The following SMC5 variants were observed in gnomAD, a reference collection of about 807,000 sequenced individuals.
The protein encoded by SMC5 is structural maintenance of chromosomes 5, also known as structural maintenance of chromosomes protein 5.
Under a neutral mutation model 148.3 loss-of-function variants are expected in SMC5, and 88 were observed. The ratio of observed to expected loss-of-function variants is 0.59; its 90% CI spans 0.50 to 0.71. The LOEUF is 0.71. SMC5 is among the 30% of genes least tolerant of loss of function. The pLI, the probability that SMC5 is intolerant of heterozygous loss-of-function variation, is 0.00. For synonymous variants in SMC5, 421 were observed against 432.8 expected, an observed-to-expected ratio of 0.97 and a Z score of 0.34; for missense variants, 1,142 against 1,298.9, an observed-to-expected ratio of 0.88 and a Z score of 1.86.
chr9:70,346,431 T>A (rs2036668659), intron 18 of SMC5, 174 bp from the exon 19 acceptor site: 1 of 676,502 alleles, frequency 1.5e-6, no homozygotes, highest in Non-Finnish European at 2.6e-6. Context: ...AAGTATATGT[T>A]CTAATTTGTC....
intron 19 of SMC5, 74 bp from the exon 20 acceptor site, chr9:70,346,992 G>C: frequency 2.8e-6 from 3 of 1,085,382 alleles, no homozygotes; most frequent in Non-Finnish European, 4.1e-6. Context: ...TTATTCAGCA[G>C]ATTATTTTTC....
Position 70,347,721 on chromosome 9 carries a change from AT to A in SMC5, c.2769+10del. 1 of 1,515,006 alleles carries A rather than the reference AT, an allele frequency of 6.6e-7. No homozygotes were observed. The highest frequency in any genetic ancestry group is 2.3e-5 in the Admixed American group (1 of 43,834). 93.8% of individuals were successfully genotyped at this position (1,515,006 alleles called of 1,614,324 possible). ...ATACAGGGAAAACATTTCACAGGTAATTTTTTAGTTTTTAATCTTTTTATCA... is the reference window on the plus strand; with the variant it reads ...ATACAGGGAAAACATTTCACAGGTAATTTTTAGTTTTTAATCTTTTTATCA... On this transcript the variant is annotated splice_donor_5th_base_variant and intron_variant, in intron 21 of 24. Transcript: ENST00000361138.
At chr9:70,286,529 G>A (rs1056810027) in intron 8 of SMC5, among the ~76,000 whole-genome samples, 1 of 152,102 alleles carries the variant, frequency 6.6e-6, no homozygotes, top group Non-Finnish European at 1.5e-5. Context: ...TAGGATAATG[G>A]TGGATTTGGT....
intron 19 of SMC5, 86 bp from the exon 20 acceptor site, chr9:70,346,976 GATAA>G: frequency 1.1e-6 from 1 of 925,888 alleles, no homozygotes; most frequent in East Asian, 2.6e-5. Flanking sequence ...TGAACAGATA[GATAA>G]CTTATTCAGC....
intron 6 of SMC5, among the ~76,000 whole-genome samples, chr9:70,281,168 T>C (rs915085099): frequency 5.3e-5 from 8 of 151,778 alleles, no homozygotes; most frequent in Admixed American, 3.9e-4. Context: ...CTCCCAGTAG[T>C]TGGGATTATA....
chr9:70,289,618 T>C (rs1017189976), intron 8 of SMC5, among the ~76,000 whole-genome samples: 2 of 152,078 alleles, frequency 1.3e-5, no homozygotes, highest in Non-Finnish European at 2.9e-5. Flanking sequence ...TTTTACTTGA[T>C]TCCTCCTCTC....
At chr9:70,337,716 A>G (rs1388199617) in intron 17 of SMC5, among the ~76,000 whole-genome samples, 1 of 152,042 alleles carries the variant, frequency 6.6e-6, no homozygotes, top group Non-Finnish European at 1.5e-5. Context: ...TCGGCCTCCC[A>G]AAGTGCTAGG....
intron 13 of SMC5, among the ~76,000 whole-genome samples, chr9:70,316,841 G>C (rs575248910): frequency 1.9e-4 from 29 of 152,156 alleles, no homozygotes; most frequent in African/African-American, 7.0e-4. Context: ...TTGTACTAGA[G>C]AAATAGCTTT....
chr9:70,307,214 G>A (rs552941791), intron 11 of SMC5, among the ~76,000 whole-genome samples: 131 of 152,192 alleles, frequency 8.6e-4, no homozygotes, highest in Non-Finnish European at 1.4e-3. Flanking sequence ...CCAATGTGGT[G>A]AAACCCTGTC....
intron 8 of SMC5, among the ~76,000 whole-genome samples, chr9:70,289,171 G>A (rs941680148): frequency 1.3e-5 from 2 of 152,046 alleles, no homozygotes; most frequent in African/African-American, 4.8e-5. Flanking sequence ...CCAAGTAGCT[G>A]GGACTACAGG....
Position 70,353,973 on chromosome 9 carries a change from A to G in SMC5, c.*1642A>G, listed in dbSNP as rs2036854539. 1 of 152,226 alleles carries G rather than the reference A, an allele frequency of 6.6e-6. No homozygotes were observed. The highest frequency in any genetic ancestry group is 2.1e-4 in the South Asian group (1 of 4,834). The allele number at this position is 152,226 out of a possible 1,614,324, so 9.4% of individuals were successfully genotyped here. ...TCTTATTTCTGCAAAATGAGTATCAATGTGAAAAAGACACGTGAAGATTAA... is the reference window on the plus strand; with the variant it reads ...TCTTATTTCTGCAAAATGAGTATCAGTGTGAAAAAGACACGTGAAGATTAA... On this transcript the variant is annotated 3_prime_UTR_variant, in exon 25 of 25. Coordinates refer to ENST00000361138, the MANE Select transcript of SMC5 (RefSeq NM_015110.4).
rs367630327 is a variant in SMC5, at chr9:70,280,818, T to G, written c.738T>G (p.Tyr246Ter). 3.1e-6 allele frequency: 5 copies of G among 1,613,628 alleles called. No individual in the cohort carries two copies. Among genetic ancestry groups the G allele is most frequent in the Non-Finnish European group, 4.2e-6 (5 of 1,179,846 alleles). ...AAATGGTTCAGAGGAATGAAAGATA[T>G]AAACAAGATGTGGAGAGGTTCTATG... Reference protein sequence around the residue: ...LQKMVQRNERYKQDVERFYER... With the variant: ...LQKMVQRNER The change falls in exon 6 of 25, where the codon TAT becomes TAG. Residue 246 changes from tyrosine (Y) to a stop codon, truncating the protein, a stop_gained. Transcript: ENST00000361138. LOFTEE classifies it high-confidence loss of function.
rs749526425 is a variant in SMC5, at chr9:70,282,534, A to G, written c.932A>G (p.Glu311Gly). Residue 311 changes from glutamate to glycine, a missense_variant, in exon 7 of 25, where the codon GAA becomes GGA. By Grantham distance (98) the Glu-to-Gly change is moderately conservative. Around this residue, in one of 5 missense-constraint regions of SMC5, gnomAD observed 743 missense variants for 835.7 expected, o/e 0.89. Coordinates refer to ENST00000361138, the MANE Select transcript of SMC5 (RefSeq NM_015110.4). ...EGQIPVTCRIEEMENERHNLE... is the reference protein window; with the variant it reads ...EGQIPVTCRIGEMENERHNLE... ...CAGATTCCTGTAACATGTCGAATTG[A>G]AGAAATGGAAAACGAGCGTCACAAT... is the stretch of plus-strand genomic sequence containing the variant. 3 of 1,593,810 alleles carry G rather than the reference A, an allele frequency of 1.9e-6. No individual in the cohort carries two copies. Among genetic ancestry groups the G allele is most frequent in the East Asian group, 4.6e-5 (2 of 43,572 alleles).
At chr9:70,291,177 C>G (rs1446569352) in intron 8 of SMC5, among the ~76,000 whole-genome samples, 1 of 152,122 alleles carries the variant, frequency 6.6e-6, no homozygotes, top group Admixed American at 6.6e-5. Flanking sequence ...ATTGAAGTCA[C>G]TACTAGGTTA....
chr9:70,346,555 T>C (rs771349893), intron 18 of SMC5, 50 bp from the exon 19 acceptor site: 139 of 1,587,870 alleles, frequency 8.8e-5, no homozygotes, highest in Non-Finnish European at 1.2e-4. Context: ...TTCTAACTTC[T>C]TGCTCTCTTT....
chr9:70,314,624 T>C (rs1447894754), intron 11 of SMC5, 118 bp from the exon 12 acceptor site: 1 of 437,500 alleles, frequency 2.3e-6, no homozygotes, highest in African/African-American at 2.1e-5. Flanking sequence ...ACATCTAATA[T>C]GCCGTGTTCG....
At chr9:70,290,157 A>G (rs1467699455) in intron 8 of SMC5, among the ~76,000 whole-genome samples, 2 of 152,202 alleles carry the variant, frequency 1.3e-5, no homozygotes, top group South Asian at 4.1e-4. Flanking sequence ...AGATATAATG[A>G]TATGTTTTGT....
intron 10 of SMC5, among the ~76,000 whole-genome samples, chr9:70,301,679 C>CA (rs1253878249): frequency 1.3e-5 from 2 of 151,616 alleles, no homozygotes; most frequent in Non-Finnish European, 2.9e-5. Context: ...AATGGTGGAG[C>CA]AAAAAAAGAA....
chr9:70,319,037 C>G lies in SMC5; in HGVS notation c.2150+74C>G, dbSNP rs1452754187. 3.1e-6 allele frequency: 4 copies of G among 1,304,960 alleles called. No individual in the cohort carries two copies. In the Admixed American group the frequency reaches 8.2e-5, roughly 27 times the overall value. 80.8% of individuals were successfully genotyped at this position (1,304,960 alleles called of 1,614,324 possible). On this transcript the variant is annotated intron_variant, in intron 15 of 24. Coordinates refer to ENST00000361138, the MANE Select transcript of SMC5 (RefSeq NM_015110.4). Reference sequence around the variant, plus strand: ...GAATATTAATTATACACTGTAATAACAACAGCATTTCCACAAGCACGCTTT... The same window carrying G: ...GAATATTAATTATACACTGTAATAAGAACAGCATTTCCACAAGCACGCTTT...
Sources: gnomAD v4.1 joint callset for allele counts (sites outside exome capture counted in the v4.1 genomes callset) on GRCh38, gnomAD v4.1.1 for gene constraint, gnomAD v4.1.1 regional missense constraint, MANE v1.5 for transcripts, NCBI Gene and HGNC (gene_info 2026-07-23, HGNC 2026-07-21) for gene names.